Variants in CFAP52 observed in about 807,000 individuals in gnomAD.
CFAP52 encodes the protein cilia- and flagella-associated protein 52.
Under a neutral mutation model 70.5 loss-of-function variants are expected in CFAP52, and 57 were observed. The observed-to-expected ratio is 0.81, with a 90% confidence interval of 0.65 to 1.01. The LOEUF is 1.01. Among genes scored for constraint, CFAP52 ranks in the 50% least tolerant of loss-of-function variants. The pLI, the probability that CFAP52 is intolerant of heterozygous loss-of-function variation, is 0.00. For missense variants in CFAP52, 785 were observed against 788.5 expected (o/e 1.00, Z 0.05); for synonymous variants, 267 against 292.5 (o/e 0.91, Z 0.89).
intron 8 of CFAP52, among the ~76,000 whole-genome samples, chr17:9,616,773 C>T (rs1223154723): frequency 8.2e-6 from 1 of 121,586 alleles, no homozygotes; most frequent in Non-Finnish European, 1.7e-5. Flanking sequence ...TTCCAACAGA[C>T]CTGCAGCTGA....
intron 7 of CFAP52, among the ~76,000 whole-genome samples, chr17:9,609,854 A>C (rs1279995382): frequency 6.6e-6 from 1 of 152,152 alleles, no homozygotes; most frequent in Non-Finnish European, 1.5e-5. Context: ...CAATATTGGA[A>C]GCCTTCCAGG....
At chr17:9,593,443 G>T (rs1365788357) in intron 3 of CFAP52, among the ~76,000 whole-genome samples, 2 of 152,104 alleles carry the variant, frequency 1.3e-5, no homozygotes, top group African/African-American at 4.8e-5. Flanking sequence ...TAATTCTTTT[G>T]TTTGTGTTTT....
Position 9,628,204 on chromosome 17 carries a change from G to A in CFAP52, c.1026-468G>A, listed in dbSNP as rs143153799. Among the ~76,000 whole-genome samples the A allele has an allele frequency of 3.9e-3, 594 of 151,926 alleles. 3 individuals carry two copies. The highest frequency in any genetic ancestry group is 0.013 in the African/African-American group (553 of 41,438). ...AGATGATTAGAGGGCATTAAATACCGTTTACACAAGATGTTTCAAATGGTC... is the reference window on the plus strand; with the variant it reads ...AGATGATTAGAGGGCATTAAATACCATTTACACAAGATGTTTCAAATGGTC... On this transcript the variant is annotated intron_variant, in intron 8 of 13. Coordinates refer to ENST00000352665, the MANE Select transcript of CFAP52 (RefSeq NM_145054.5).
chr17:9,641,667 T>G, intron 12 of CFAP52, 57 bp from the exon 13 acceptor site: 2 of 1,276,740 alleles, frequency 1.6e-6, no homozygotes, highest in Non-Finnish European at 2.3e-6. Context: ...TGTTAGCATG[T>G]GCATGGATGA....
intron 6 of CFAP52, among the ~76,000 whole-genome samples, chr17:9,605,867 A>G (rs920954267): frequency 3.3e-5 from 5 of 152,116 alleles, no homozygotes; most frequent in African/African-American, 1.2e-4. Context: ...AGAGTATGCA[A>G]TGCCAAGAGG....
chr17:9,612,358 G>C lies in CFAP52; in HGVS notation c.904G>C (p.Gly302Arg). 6.2e-7 allele frequency: 1 copy of C among 1,614,188 alleles called. No homozygotes were observed. The highest frequency in any genetic ancestry group is 8.5e-7 in the Non-Finnish European group (1 of 1,180,032). The change falls in exon 8 of 14, where the codon GGA becomes CGA. Residue 302 changes from glycine to arginine, a missense_variant. By Grantham distance (125) the Gly-to-Arg change is moderately radical (BLOSUM62 -2). Coordinates refer to ENST00000352665, the MANE Select transcript of CFAP52 (RefSeq NM_145054.5). ...CACTTCTATCACACTTCGAGGAGAA[G>C]GACACCAGTTTCTCGTAGGAACAGA... ...GITSITLRGE[G>R]HQFLVGTEES... is the part of the protein sequence containing the mutation.
rs533745756 is a variant in CFAP52 at position 9,614,587 on chromosome 17, A to C, written c.1025+2108A>C. ...TGTAATAAATGAATTCGTTTATTATAAAAATTCATTTGTTTATTAAACAAA... is the reference window on the plus strand; with the variant it reads ...TGTAATAAATGAATTCGTTTATTATCAAAATTCATTTGTTTATTAAACAAA... On this transcript the variant is annotated intron_variant, in intron 8 of 13. Transcript: ENST00000352665. Among the ~76,000 whole-genome samples, 3 of 152,372 alleles carry C rather than the reference A, an allele frequency of 2.0e-5. No homozygotes were observed. In the East Asian group the frequency reaches 5.8e-4, roughly 29 times the overall value.
intron 8 of CFAP52, 75 bp from the exon 9 acceptor site, chr17:9,628,597 A>G: frequency 6.4e-7 from 1 of 1,553,748 alleles, no homozygotes. Flanking sequence ...TTTTTGTGAA[A>G]CACATTTTGG....
intron 11 of CFAP52, among the ~76,000 whole-genome samples, chr17:9,637,218 G>A (rs932605118): frequency 6.6e-6 from 1 of 152,156 alleles, no homozygotes; most frequent in Admixed American, 6.5e-5. Context: ...TGAGAGTGCT[G>A]GTTCAAGGAC....
chr17:9,612,965 G>C (rs1200807685), intron 8 of CFAP52, among the ~76,000 whole-genome samples: 1 of 152,050 alleles, frequency 6.6e-6, no homozygotes, highest in Non-Finnish European at 1.5e-5. Flanking sequence ...AGATGATTTT[G>C]CCCAGCTATA....
At position 9,643,246 on chromosome 17, in the gene CFAP52, A is replaced by C; in HGVS notation, c.*48A>C. On this transcript the variant is annotated 3_prime_UTR_variant, in exon 14 of 14. Coordinates refer to ENST00000352665, the MANE Select transcript of CFAP52 (RefSeq NM_145054.5). Reference sequence around the variant, plus strand: ...CTTGGCGTTGCACGCAGTCCTGTTGAAGACTGAGTTTAGATAACTCCAACA... The same window carrying C: ...CTTGGCGTTGCACGCAGTCCTGTTGCAGACTGAGTTTAGATAACTCCAACA... The C allele has an allele frequency of 1.4e-6, 2 of 1,449,724 alleles. No individual in the cohort carries two copies. The highest frequency in any genetic ancestry group is 2.5e-5 in the East Asian group (1 of 39,822). 89.8% of individuals were successfully genotyped at this position (1,449,724 alleles called of 1,614,324 possible). A position where few individuals can be genotyped will look rare whatever the true frequency, so the allele number is the denominator to read the frequency against.
intron 9 of CFAP52, among the ~76,000 whole-genome samples, chr17:9,629,199 T>C (rs1910353201): frequency 6.6e-6 from 1 of 152,234 alleles, no homozygotes; most frequent in Non-Finnish European, 1.5e-5. Context: ...AGGGAATTTA[T>C]TTTTAACTCA....
intron 9 of CFAP52, among the ~76,000 whole-genome samples, chr17:9,630,490 C>T (rs1910427209): frequency 6.9e-6 from 1 of 145,416 alleles, no homozygotes; most frequent in Non-Finnish European, 1.5e-5. Flanking sequence ...AGTGCGGTGG[C>T]GCGATCTCGG....
At chr17:9,641,904 C>T in intron 13 of CFAP52, 69 bp downstream of exon 13, 1 of 1,384,004 alleles carries the variant, frequency 7.2e-7, no homozygotes, top group Non-Finnish European at 1.0e-6. Context: ...AACTCCCAGG[C>T]TAGAGGCAAT....
At chr17:9,642,964 C>T in intron 13 of CFAP52, 59 bp from the exon 14 acceptor site, 1 of 1,370,206 alleles carries the variant, frequency 7.3e-7, no homozygotes, top group East Asian at 2.6e-5. Context: ...TATTTGAAAT[C>T]AGGGCTGTTT....
chr17:9,601,464 T>C (rs1425458793), intron 6 of CFAP52, among the ~76,000 whole-genome samples: 4 of 152,176 alleles, frequency 2.6e-5, no homozygotes, highest in Admixed American at 6.5e-5. Flanking sequence ...CTTCAAAGCA[T>C]AGGGCCTATT....
At chr17:9,607,780 A>G (rs1325884760) in intron 6 of CFAP52, among the ~76,000 whole-genome samples, 4 of 152,044 alleles carry the variant, frequency 2.6e-5, no homozygotes, top group Non-Finnish European at 5.9e-5. Context: ...TTTAGGGAGG[A>G]AGGATGGTGA....
chr17:9,593,736 G>C (rs1391680932), intron 3 of CFAP52, among the ~76,000 whole-genome samples: 1 of 152,162 alleles, frequency 6.6e-6, no homozygotes, highest in Non-Finnish European at 1.5e-5. Flanking sequence ...GATTACAGAT[G>C]TGAGCCATCG....
intron 1 of CFAP52, among the ~76,000 whole-genome samples, chr17:9,580,799 G>A (rs898731328): frequency 6.6e-6 from 1 of 151,972 alleles, no homozygotes; most frequent in African/African-American, 2.4e-5. Context: ...ATAAGAAATG[G>A]TTCTCAATTA....
Sources: gnomAD v4.1 joint callset for allele counts (sites outside exome capture counted in the v4.1 genomes callset) on GRCh38, gnomAD v4.1.1 for gene constraint, MANE v1.5 for transcripts, NCBI Gene and HGNC (gene_info 2026-07-23, HGNC 2026-07-21) for gene names.